P3H2: variants seen among roughly 807,000 people sequenced by gnomAD.
P3H2 encodes prolyl 3-hydroxylase 2.
A neutral mutation model predicts 87.0 loss-of-function variants in P3H2; 80 were observed. The observed-to-expected ratio is 0.92, with a 90% CI of 0.77 to 1.11. The LOEUF is 1.11. P3H2 is among the 50% of genes least tolerant of loss of function. P3H2 has a pLI of 0.00. For synonymous variants in P3H2, 367 were observed against 359.3 expected, an observed-to-expected ratio of 1.02 and a Z score of -0.24; for missense variants, 1,001 against 923.9, an observed-to-expected ratio of 1.08 and a Z score of -1.08.
intron 1 of P3H2, among the ~76,000 whole-genome samples, chr3:190,102,193 C>T (rs1283756006): frequency 6.6e-6 from 1 of 152,198 alleles, no homozygotes; most frequent in East Asian, 1.9e-4. Flanking sequence ...ACTAACATAA[C>T]ATCCATTCAG....
At chr3:189,969,605 C>T in intron 13 of P3H2, 1 of 1,212,452 alleles carries the variant, frequency 8.2e-7, no homozygotes. Context: ...GACATGTGTA[C>T]AGCCCTCTTC....
At chr3:190,104,854 T>C (rs1022767591) in intron 1 of P3H2, among the ~76,000 whole-genome samples, 1 of 152,192 alleles carries the variant, frequency 6.6e-6, no homozygotes, top group African/African-American at 2.4e-5. Flanking sequence ...CTGCTAAATA[T>C]TCCATGCATG....
chr3:190,072,811 T>A (rs749824692), intron 1 of P3H2, among the ~76,000 whole-genome samples: 4 of 152,224 alleles, frequency 2.6e-5, no homozygotes, highest in Non-Finnish European at 5.9e-5. Flanking sequence ...GCATTTCAAA[T>A]GTTATACTGG....
chr3:190,059,150 C>A (rs1166309172), intron 1 of P3H2, among the ~76,000 whole-genome samples: 1 of 152,140 alleles, frequency 6.6e-6, no homozygotes, highest in Non-Finnish European at 1.5e-5. Flanking sequence ...TAGCTTCCTA[C>A]CCTACACTCC....
intron 1 of P3H2, among the ~76,000 whole-genome samples, chr3:190,012,959 G>A (rs774018973): frequency 6.6e-6 from 1 of 152,052 alleles, no homozygotes; most frequent in Non-Finnish European, 1.5e-5. Flanking sequence ...ATGTGCCTCC[G>A]ATTGATCGTT....
chr3:190,057,405 T>C (rs1326052850), intron 1 of P3H2, among the ~76,000 whole-genome samples: 1 of 152,190 alleles, frequency 6.6e-6, no homozygotes, highest in Non-Finnish European at 1.5e-5. Flanking sequence ...GGGATGTATC[T>C]GAACCCCGCT....
chr3:190,049,603 A>C (rs1436208540), intron 1 of P3H2, among the ~76,000 whole-genome samples: 1 of 152,192 alleles, frequency 6.6e-6, no homozygotes, highest in African/African-American at 2.4e-5. Flanking sequence ...TTTATTCATC[A>C]TGCTATTAAT....
At position 190,074,578 on chromosome 3, in the gene P3H2, T is replaced by TA. The variant is rs923875651; in HGVS notation, c.480+45673dup. Among the ~76,000 whole-genome samples the TA allele has an allele frequency of 2.3e-3, 354 of 151,004 alleles. 2 individuals are homozygous for TA. The highest frequency in any genetic ancestry group is 8.1e-3 in the African/African-American group (335 of 41,190). On this transcript the variant is annotated intron_variant, in intron 1 of 14. Coordinates refer to ENST00000319332, the MANE Select transcript of P3H2 (RefSeq NM_018192.4). ...CAATTTCACACCAAAAGCATCACTG[T>TA]AAAAAAAAAGATATCACCTAATTTA...
Position 189,972,011 on chromosome 3 carries a change from C to A in P3H2, c.1700-4G>T. 3 of 1,565,582 alleles carry A rather than the reference C, an allele frequency of 1.9e-6. No individual in the cohort carries two copies. The highest frequency in any genetic ancestry group is 1.8e-6 in the Non-Finnish European group (2 of 1,135,964). ...TCATTTCTTCTATCCTGCTGACCTG[C>A]CAGAAAAGGGAATAGGGAAGAACGA... On this transcript the variant is annotated splice_region_variant and splice_polypyrimidine_tract_variant and intron_variant, in intron 11 of 14. Transcript: ENST00000319332.
intron 1 of P3H2, among the ~76,000 whole-genome samples, chr3:190,082,045 G>A (rs552356921): frequency 1.7e-4 from 26 of 152,236 alleles, no homozygotes; most frequent in African/African-American, 5.8e-4. Flanking sequence ...CTTGAGATCA[G>A]GAGTTTTCGT....
chr3:190,043,702 T>G (rs1725714376), intron 1 of P3H2, among the ~76,000 whole-genome samples: 1 of 152,186 alleles, frequency 6.6e-6, no homozygotes, highest in Admixed American at 6.5e-5. Flanking sequence ...TATCCAGACT[T>G]TATACTGTTG....
At chr3:190,061,541 T>G (rs535004920) in intron 1 of P3H2, among the ~76,000 whole-genome samples, 1 of 152,240 alleles carries the variant, frequency 6.6e-6, no homozygotes, top group South Asian at 2.1e-4. Flanking sequence ...CTGTTTGTGT[T>G]TATCAATACA....
At chr3:190,027,189 T>A (rs907700933) in intron 1 of P3H2, among the ~76,000 whole-genome samples, 3 of 152,212 alleles carry the variant, frequency 2.0e-5, no homozygotes, top group African/African-American at 7.2e-5. Context: ...CACAAGCAGT[T>A]TGGCTCTGAG....
At chr3:190,120,107 G>A in intron 1 of P3H2, 145 bp downstream of exon 1, 1 of 909,486 alleles carries the variant, frequency 1.1e-6, no homozygotes, top group Admixed American at 2.2e-5. Context: ...AGGGCCACCA[G>A]ATATCTGGAT....
intron 1 of P3H2, among the ~76,000 whole-genome samples, chr3:190,031,440 CG>C (rs1560370326): frequency 6.6e-5 from 10 of 151,760 alleles, no homozygotes; most frequent in East Asian, 2.0e-4. Context: ...GAGTTCGAGA[CG>C]AGTCTGGCCA....
chr3:190,048,999 G>C (rs1267212491), intron 1 of P3H2, among the ~76,000 whole-genome samples: 3 of 152,188 alleles, frequency 2.0e-5, no homozygotes, highest in Non-Finnish European at 4.4e-5. Flanking sequence ...GTTGGAATTT[G>C]CTTCAGATTC....
At chr3:190,011,272 CA>C (rs35396025) in intron 1 of P3H2, among the ~76,000 whole-genome samples, 199 of 107,186 alleles carry the variant, frequency 1.9e-3, no homozygotes, top group East Asian at 3.4e-3. Flanking sequence ...ACTCCATCTC[CA>C]AAAAAAAAAA....
chr3:190,005,455 GC>G (rs1340619253), intron 1 of P3H2, among the ~76,000 whole-genome samples: 1 of 152,176 alleles, frequency 6.6e-6, no homozygotes, highest in Non-Finnish European at 1.5e-5. Context: ...ATTTGAGGAG[GC>G]TTTTAGGGTT....
At chr3:189,988,847 A>T in intron 4 of P3H2, 60 bp downstream of exon 4, 1 of 1,597,838 alleles carries the variant, frequency 6.3e-7, no homozygotes. Flanking sequence ...CAAAAATGTG[A>T]TGTCTGTAAT....
Sources: allele counts gnomAD v4.1 joint callset (sites outside exome capture counted in the v4.1 genomes callset), GRCh38; gene constraint gnomAD v4.1.1; transcripts MANE v1.5; gene names NCBI Gene and HGNC (gene_info 2026-07-23, HGNC 2026-07-21).